SLC26A5: variants seen among roughly 807,000 people sequenced by gnomAD.
The protein encoded by SLC26A5 is solute carrier family 26 member 5, also known as prestin.
A neutral mutation model predicts 81.0 loss-of-function variants in SLC26A5; 51 were observed. That is an observed-to-expected ratio of 0.63 (90% CI 0.50 to 0.80). The LOEUF is 0.80. Among genes scored for constraint, SLC26A5 ranks in the 30% least tolerant of loss-of-function variants. SLC26A5 has a pLI of 0.00. For synonymous variants in SLC26A5, 325 were observed against 332.8 expected, an observed-to-expected ratio of 0.98 and a Z score of 0.25; for missense variants, 771 against 905.8, an observed-to-expected ratio of 0.85 and a Z score of 1.91.
intron 2 of SLC26A5, among the ~76,000 whole-genome samples, chr7:103,428,559 T>TGG (rs1825855424): frequency 2.9e-5 from 1 of 35,040 alleles, no homozygotes; most frequent in African/African-American, 5.7e-4. Flanking sequence ...CTGCCAGTAC[T>TGG]TTTTTTTTTT....
chr7:103,376,987 T>C (rs888394569), intron 18 of SLC26A5, 125 bp from the exon 19 acceptor site: 5 of 667,330 alleles, frequency 7.5e-6, no homozygotes, highest in South Asian at 5.5e-5. Flanking sequence ...TTTGCTTCAA[T>C]AATGATGTAT....
intron 2 of SLC26A5, among the ~76,000 whole-genome samples, chr7:103,432,379 T>G (rs1238269151): frequency 1.3e-5 from 2 of 152,254 alleles, no homozygotes; most frequent in Non-Finnish European, 2.9e-5. Context: ...CTCCTGTCAT[T>G]GTGTGCTTTA....
intron 14 of SLC26A5, among the ~76,000 whole-genome samples, chr7:103,386,588 A>G (rs1376652792): frequency 6.6e-6 from 1 of 151,946 alleles, no homozygotes; most frequent in Non-Finnish European, 1.5e-5. Context: ...AAAAAATTTT[A>G]TAACTCAAGT....
At chr7:103,394,559 T>C (rs1248740052) in intron 9 of SLC26A5, among the ~76,000 whole-genome samples, 1 of 152,174 alleles carries the variant, frequency 6.6e-6, no homozygotes, top group African/African-American at 2.4e-5. Context: ...AGTGCTATGA[T>C]TGGGATCTTT....
chr7:103,425,107 G>A (rs532064666), intron 2 of SLC26A5, among the ~76,000 whole-genome samples: 82 of 152,232 alleles, frequency 5.4e-4, no homozygotes, highest in African/African-American at 1.8e-3. Context: ...CGTGACACCC[G>A]TGAATCTGAG....
At chr7:103,396,561 A>G (rs1365445573) in intron 9 of SLC26A5, among the ~76,000 whole-genome samples, 1 of 152,244 alleles carries the variant, frequency 6.6e-6, no homozygotes, top group Non-Finnish European at 1.5e-5. Context: ...ATGCTAAGTG[A>G]AATACGCCAG....
At chr7:103,354,585 G>A (rs2116150749) in intron 19 of SLC26A5, among the ~76,000 whole-genome samples, 1 of 152,028 alleles carries the variant, frequency 6.6e-6, no homozygotes, top group Middle Eastern at 3.4e-3. Flanking sequence ...GGCCAGGCTG[G>A]TCTTGAATTA....
intron 2 of SLC26A5, among the ~76,000 whole-genome samples, chr7:103,437,940 TGAGA>T (rs1446665472): frequency 6.6e-6 from 1 of 152,210 alleles, no homozygotes; most frequent in Non-Finnish European, 1.5e-5. Flanking sequence ...ATTTAAAAAT[TGAGA>T]AAGTTTTTAT....
intron 15 of SLC26A5, among the ~76,000 whole-genome samples, chr7:103,380,174 T>C (rs187675669): frequency 6.6e-6 from 1 of 152,182 alleles, no homozygotes; most frequent in Admixed American, 6.5e-5. Flanking sequence ...TATACATTCA[T>C]CAGAAAAAAA....
chr7:103,392,881 C>G (rs376160901), intron 10 of SLC26A5, 38 bp downstream of exon 10: 5 of 1,612,970 alleles, frequency 3.1e-6, no homozygotes, highest in Non-Finnish European at 4.2e-6. Context: ...GGTGATTGTA[C>G]TGCTATGAAA....
downstream of SLC26A5, among the ~76,000 whole-genome samples, chr7:103,370,338 C>G (rs992050455): frequency 5.3e-5 from 8 of 152,012 alleles, no homozygotes; most frequent in Non-Finnish European, 8.8e-5. Flanking sequence ...AAGAGCCTTC[C>G]CCACCACCTG....
rs772079545 is a variant in SLC26A5 at position 103,398,024 on chromosome 7, C to T, written c.889-10G>A. The stretch of plus-strand genomic sequence containing the variant: ...CAGTTCCCATTACGACCTAAAAAGA[C>T]ACAAATCCAAATGCACCTTTAGAGA... On this transcript the variant is annotated splice_polypyrimidine_tract_variant and intron_variant, in intron 8 of 19. Coordinates refer to ENST00000306312, the MANE Select transcript of SLC26A5 (RefSeq NM_198999.3). 5.0e-6 allele frequency: 8 copies of T among 1,610,866 alleles called. 1 individual carries two copies. The South Asian group carries it at 8.8e-5, about 18-fold the overall frequency.
chr7:103,408,794 T>C (rs1824260959), intron 7 of SLC26A5, among the ~76,000 whole-genome samples: 1 of 152,068 alleles, frequency 6.6e-6, no homozygotes, highest in South Asian at 2.1e-4. Flanking sequence ...TCCACTTAAT[T>C]ATATCCTAGG....
At chr7:103,366,456 T>G (rs1405735951) in intron 19 of SLC26A5, among the ~76,000 whole-genome samples, 1 of 152,240 alleles carries the variant, frequency 6.6e-6, no homozygotes, top group African/African-American at 2.4e-5. Flanking sequence ...GGATTTTGGC[T>G]TTTGAAGTAC....
At chr7:103,437,339 T>C (rs1269119156) in intron 2 of SLC26A5, among the ~76,000 whole-genome samples, 1 of 152,182 alleles carries the variant, frequency 6.6e-6, no homozygotes, top group Non-Finnish European at 1.5e-5. Flanking sequence ...GGTGGGAGTG[T>C]ATATTAGTAC....
intron 8 of SLC26A5, among the ~76,000 whole-genome samples, chr7:103,405,618 T>A (rs1563551948): frequency 6.6e-6 from 1 of 152,164 alleles, no homozygotes; most frequent in Non-Finnish European, 1.5e-5. Flanking sequence ...GAGGTGTCTT[T>A]GGCCCCTACT....
chr7:103,444,953 T>C (rs79347109), intron 1 of SLC26A5, among the ~76,000 whole-genome samples: 5,013 of 152,306 alleles, frequency 0.033, 143 homozygotes, highest in Non-Finnish European at 0.043. Flanking sequence ...TTCAAAAAGG[T>C]TGATACTTCG....
intron 2 of SLC26A5, among the ~76,000 whole-genome samples, chr7:103,429,737 C>T (rs1351592287): frequency 1.3e-5 from 2 of 152,190 alleles, no homozygotes; most frequent in Non-Finnish European, 2.9e-5. Flanking sequence ...ACTGCAAGCT[C>T]GATGAGGGCA....
intron 15 of SLC26A5, 34 bp from the exon 16 acceptor site, chr7:103,379,369 G>T: frequency 1.4e-6 from 2 of 1,381,590 alleles, no homozygotes; most frequent in South Asian, 1.2e-5. Context: ...TTTAACACAT[G>T]GAAATATTTC....
Sources: allele counts gnomAD v4.1 joint callset (sites outside exome capture counted in the v4.1 genomes callset), GRCh38; gene constraint gnomAD v4.1.1; transcripts MANE v1.5; gene names NCBI Gene and HGNC (gene_info 2026-07-23, HGNC 2026-07-21).